Variants in CFAP299 observed in about 807,000 individuals in gnomAD.
CFAP299 encodes cilia- and flagella-associated protein 299.
CFAP299 carries 21 observed loss-of-function variants against 27.0 expected under a neutral mutation model. That is an observed-to-expected ratio of 0.78 (90% confidence interval 0.55 to 1.12). CFAP299 has a LOEUF of 1.12. Ranked by LOEUF, CFAP299 falls within the 50% of genes most tolerant of loss-of-function variation. The pLI is 0.00. For synonymous variants in CFAP299, 104 were observed against 98.1 expected (o/e 1.06, Z -0.36); for missense variants, 310 against 276.6 (o/e 1.12, Z -0.86).
At chr4:80,324,933 G>T in the CFAP299 span, among the ~76,000 whole-genome samples, 1 of 152,138 alleles carries the variant, frequency 6.6e-6, no homozygotes, top group Non-Finnish European at 1.5e-5. Flanking sequence ...GACCAGCCTG[G>T]CCAACATGGC....
chr4:80,397,903 G>T (rs1422642297), intron 2 of CFAP299, among the ~76,000 whole-genome samples: 1 of 152,156 alleles, frequency 6.6e-6, no homozygotes, highest in Non-Finnish European at 1.5e-5. Context: ...AATTGTCCCT[G>T]TTTGCAGATG....
chr4:80,726,148 T>C (rs973410307), intron 3 of CFAP299, among the ~76,000 whole-genome samples: 1 of 151,978 alleles, frequency 6.6e-6, no homozygotes, highest in Non-Finnish European at 1.5e-5. Flanking sequence ...CCTTATGAGT[T>C]TATACCATCT....
At chr4:80,775,562 G>T (rs951747494) in intron 3 of CFAP299, among the ~76,000 whole-genome samples, 1 of 151,470 alleles carries the variant, frequency 6.6e-6, no homozygotes, top group South Asian at 2.1e-4. Context: ...CACTCTTCAG[G>T]TTTCATCAAA....
intron 2 of CFAP299, among the ~76,000 whole-genome samples, chr4:80,472,386 A>C (rs1730045282): frequency 6.6e-6 from 1 of 152,200 alleles, no homozygotes; most frequent in Non-Finnish European, 1.5e-5. Context: ...TTTTTAATAA[A>C]AACTTTGACG....
intron 3 of CFAP299, among the ~76,000 whole-genome samples, chr4:80,785,821 C>T (rs1162462985): frequency 6.6e-6 from 1 of 151,988 alleles, no homozygotes; most frequent in Non-Finnish European, 1.5e-5. Context: ...CAGAGTGTGA[C>T]TTTTTTAATT....
chr4:80,891,688 C>T (rs1231469948), intron 4 of CFAP299, among the ~76,000 whole-genome samples: 13 of 111,084 alleles, frequency 1.2e-4, no homozygotes, highest in South Asian at 3.5e-4. Context: ...GTGGGTGCAG[C>T]GCACCAGCAT....
At chr4:80,817,034 G>C (rs996890607) in intron 3 of CFAP299, among the ~76,000 whole-genome samples, 2 of 152,106 alleles carry the variant, frequency 1.3e-5, no homozygotes, top group African/African-American at 2.4e-5. Flanking sequence ...ACAAGAAGTT[G>C]AATACCTTCC....
rs146204171 is a variant in CFAP299, at chr4:80,392,020, G to A, written c.242+29136G>A. On this transcript the variant is annotated intron_variant, in intron 2 of 5. Coordinates refer to ENST00000358105, the MANE Select transcript of CFAP299 (RefSeq NM_152770.3). ...CATTTGAGACATGGAGTCAAAGGAG[G>A]TCATTTTGGAAATTTAAGATATGAC... 2.8e-4 allele frequency among the ~76,000 whole-genome samples: 42 copies of A among 152,328 alleles called. No individual in the cohort carries two copies. In the East Asian group the frequency reaches 8.1e-3, roughly 29 times the overall value.
At chr4:80,356,378 A>C (rs932652396) in intron 1 of CFAP299, among the ~76,000 whole-genome samples, 2 of 152,174 alleles carry the variant, frequency 1.3e-5, no homozygotes, top group Admixed American at 6.6e-5. Flanking sequence ...GAAAAATTTC[A>C]GTGATAGTTT....
chr4:80,393,020 C>T (rs1372945027), intron 2 of CFAP299, among the ~76,000 whole-genome samples: 2 of 152,062 alleles, frequency 1.3e-5, no homozygotes, highest in African/African-American at 4.8e-5. Flanking sequence ...GAAGACTTTC[C>T]AGTGGGATGA....
chr4:80,831,069 T>G (rs1444967359), intron 3 of CFAP299, among the ~76,000 whole-genome samples: 1 of 152,124 alleles, frequency 6.6e-6, no homozygotes. Context: ...CCCAAGCCCA[T>G]ACTCAGTGGT....
chr4:80,396,707 C>G (rs1725816205), intron 2 of CFAP299, among the ~76,000 whole-genome samples: 1 of 152,152 alleles, frequency 6.6e-6, no homozygotes, highest in Non-Finnish European at 1.5e-5. Context: ...GTTGAACCAG[C>G]CTTGCATCCC....
At chr4:80,368,257 C>T (rs1578362228) in intron 2 of CFAP299, among the ~76,000 whole-genome samples, 1 of 152,116 alleles carries the variant, frequency 6.6e-6, no homozygotes, top group East Asian at 1.9e-4. Flanking sequence ...GTCTCAGATG[C>T]TGTATATACA....
At chr4:80,773,397 TC>T (rs776175108) in intron 3 of CFAP299, among the ~76,000 whole-genome samples, 25 of 152,112 alleles carry the variant, frequency 1.6e-4, no homozygotes, top group Non-Finnish European at 3.1e-4. Context: ...AGCAGACTAG[TC>T]CTATTAGCCT....
chr4:80,797,584 C>T (rs1306659061), intron 3 of CFAP299, among the ~76,000 whole-genome samples: 6 of 152,166 alleles, frequency 3.9e-5, no homozygotes, highest in Non-Finnish European at 5.9e-5. Flanking sequence ...TGGCCCCTGC[C>T]ACCTCGAGAT....
chr4:80,895,255 C>T (rs1734558552), intron 4 of CFAP299, among the ~76,000 whole-genome samples: 1 of 151,772 alleles, frequency 6.6e-6, no homozygotes, highest in South Asian at 2.1e-4. Context: ...GCAATCATTT[C>T]ACGTGTATAC....
At chr4:80,634,830 A>C (rs1235278972) in intron 3 of CFAP299, among the ~76,000 whole-genome samples, 3 of 152,172 alleles carry the variant, frequency 2.0e-5, no homozygotes, top group Non-Finnish European at 4.4e-5. Flanking sequence ...ATTAAATTGA[A>C]GTCGTATTAA....
chr4:80,608,191 T>C, intron 3 of CFAP299: 1 of 541,180 alleles, frequency 1.8e-6, no homozygotes. Flanking sequence ...CATTCACAAG[T>C]GTTGTCGAGA....
chr4:80,498,070 C>A (rs1033213569), intron 2 of CFAP299, among the ~76,000 whole-genome samples: 1 of 152,128 alleles, frequency 6.6e-6, no homozygotes, highest in African/African-American at 2.4e-5. Context: ...GGACCCCTTC[C>A]CTTCACCATA....
Sources: gnomAD v4.1 joint callset for allele counts (sites outside exome capture counted in the v4.1 genomes callset) on GRCh38, gnomAD v4.1.1 for gene constraint, MANE v1.5 for transcripts, NCBI Gene and HGNC (gene_info 2026-07-23, HGNC 2026-07-21) for gene names.